COTL1: variants seen among roughly 807,000 people sequenced by gnomAD.
The protein encoded by COTL1 is coactosin-like protein.
Under a neutral mutation model 16.5 loss-of-function variants are expected in COTL1, and 15 were observed. The observed-to-expected ratio is 0.91, with a 90% CI of 0.61 to 1.40. The LOEUF is 1.40. Ranked by LOEUF, COTL1 falls within the 40% of genes most tolerant of loss-of-function variation. The pLI, the probability that COTL1 is intolerant of heterozygous loss-of-function variation, is 0.00. For synonymous variants in COTL1, 112 were observed against 85.3 expected (o/e 1.31, Z -1.73); for missense variants, 220 against 201.5 (o/e 1.09, Z -0.56).
intron 2 of COTL1, among the ~76,000 whole-genome samples, chr16:84,599,557 C>T (rs1467022453): frequency 6.6e-6 from 1 of 152,100 alleles, no homozygotes. Flanking sequence ...GTCATAGGCA[C>T]CTTATACGTT....
intron 3 of COTL1, among the ~76,000 whole-genome samples, chr16:84,573,171 G>C (rs534217602): frequency 6.6e-6 from 1 of 152,330 alleles, no homozygotes; most frequent in East Asian, 1.9e-4. Context: ...TTTCCACAAT[G>C]TAATCAATGC....
intron 2 of COTL1, among the ~76,000 whole-genome samples, chr16:84,613,464 T>C (rs995020235): frequency 6.6e-6 from 1 of 151,898 alleles, no homozygotes; most frequent in African/African-American, 2.4e-5. Flanking sequence ...TGTTACAGTG[T>C]TGGGCTGCAG....
chr16:84,577,620 G>A (rs909594676), intron 3 of COTL1, among the ~76,000 whole-genome samples: 3 of 152,118 alleles, frequency 2.0e-5, no homozygotes, highest in African/African-American at 2.4e-5. Context: ...GCACGGGCTC[G>A]GGTTTGACAG....
intron 3 of COTL1, chr16:84,576,613 T>C (rs1271023950): frequency 6.6e-6 from 1 of 152,148 alleles, no homozygotes; most frequent in Non-Finnish European, 1.5e-5. Context: ...TGGGCCCTGG[T>C]TTCCACCTCT....
intron 3 of COTL1, among the ~76,000 whole-genome samples, chr16:84,583,994 G>A (rs1904661239): frequency 6.6e-6 from 1 of 152,232 alleles, no homozygotes; most frequent in South Asian, 2.1e-4. Context: ...AGACAAGCAT[G>A]ATGCAGCACT....
intron 2 of COTL1, among the ~76,000 whole-genome samples, chr16:84,615,167 G>A (rs946190750): frequency 3.3e-5 from 5 of 152,218 alleles, no homozygotes; most frequent in South Asian, 2.1e-4. Flanking sequence ...GAGCAGACAC[G>A]GCAACCATAA....
At chr16:84,604,031 C>T (rs1261510676) in intron 2 of COTL1, among the ~76,000 whole-genome samples, 1 of 132,698 alleles carries the variant, frequency 7.5e-6, no homozygotes, top group East Asian at 2.2e-4. Context: ...CTACTACCCC[C>T]GCAACTCCCC....
chr16:84,591,279 G>A (rs957633314), intron 2 of COTL1, among the ~76,000 whole-genome samples: 17 of 151,554 alleles, frequency 1.1e-4, no homozygotes, highest in African/African-American at 4.1e-4. Flanking sequence ...GGCCTCTAGG[G>A]TTCACACCAT....
intron 2 of COTL1, among the ~76,000 whole-genome samples, chr16:84,602,194 C>T (rs73255589): frequency 0.017 from 2,154 of 125,204 alleles, 61 homozygotes; most frequent in African/African-American, 0.058. Context: ...AGCTGCGTTT[C>T]AGTTCAATGG....
intron 2 of COTL1, among the ~76,000 whole-genome samples, chr16:84,611,305 C>T (rs1485804042): frequency 2.6e-5 from 4 of 152,172 alleles, no homozygotes; most frequent in Non-Finnish European, 5.9e-5. Context: ...ATTTGAGGTC[C>T]ATGGATAGAG....
At chr16:84,591,933 G>A (rs971048244) in intron 2 of COTL1, among the ~76,000 whole-genome samples, 21 of 152,098 alleles carry the variant, frequency 1.4e-4, no homozygotes, top group Non-Finnish European at 8.8e-5. Context: ...GTGTGCATGC[G>A]GGTGCATGTG....
chr16:84,571,850 T>C (rs1012956138), intron 3 of COTL1, among the ~76,000 whole-genome samples: 2 of 152,146 alleles, frequency 1.3e-5, no homozygotes, highest in Non-Finnish European at 2.9e-5. Flanking sequence ...CCACCTTCTA[T>C]AGGGCCAGCA....
At chr16:84,602,198 T>G in intron 2 of COTL1, among the ~76,000 whole-genome samples, 1 of 109,154 alleles carries the variant, frequency 9.2e-6, no homozygotes, top group South Asian at 3.6e-4. Flanking sequence ...GCGTTTCAGT[T>G]CAATGGGGGT....
intron 2 of COTL1, among the ~76,000 whole-genome samples, chr16:84,610,591 C>T (rs1905300299): frequency 6.6e-6 from 1 of 152,170 alleles, no homozygotes; most frequent in Non-Finnish European, 1.5e-5. Flanking sequence ...GCCCTTGAAC[C>T]AATCGGTTAG....
intron 2 of COTL1, among the ~76,000 whole-genome samples, chr16:84,611,248 C>G (rs910471735): frequency 2.0e-5 from 3 of 152,246 alleles, no homozygotes; most frequent in Non-Finnish European, 2.9e-5. Flanking sequence ...TGGACTCATT[C>G]CCAGATGCCT....
chr16:84,608,106 C>T (rs1228686351), intron 2 of COTL1, among the ~76,000 whole-genome samples: 12 of 152,102 alleles, frequency 7.9e-5, no homozygotes, highest in Admixed American at 5.2e-4. Flanking sequence ...CTAAATCTGG[C>T]AACTGGAATA....
intron 3 of COTL1, among the ~76,000 whole-genome samples, chr16:84,578,590 C>A (rs116206692): frequency 0.011 from 1,731 of 152,220 alleles, 41 homozygotes; most frequent in African/African-American, 0.039. Flanking sequence ...CACAGGCATG[C>A]ACGCACACAA....
At chr16:84,591,993 C>G (rs898737975) in intron 2 of COTL1, among the ~76,000 whole-genome samples, 9 of 152,350 alleles carry the variant, frequency 5.9e-5, no homozygotes, top group Non-Finnish European at 1.0e-4. Flanking sequence ...CAACTGGCAT[C>G]TGGGGCCAGA....
chr16:84,617,555 T>C lies in COTL1; in HGVS notation c.106A>G (p.Ile36Val). The change falls in exon 2 of 4, where the codon ATC becomes GTC. Residue 36 changes from isoleucine (I) to valine (V), a missense_variant. Ile to Val is a conservative substitution (Grantham distance 29). Transcript: ENST00000262428. ...WVTFKYDGSTIVPGEQGAEYQ... is the reference protein window; with the variant it reads ...WVTFKYDGSTVVPGEQGAEYQ... ...TCCGCTCCCTGCTCGCCGGGGACGA[T>C]GGTGGAGCCGTCATATTTAAAAGTC... 1 of 1,558,362 alleles carries C rather than the reference T, an allele frequency of 6.4e-7. No homozygotes were observed. Among genetic ancestry groups the C allele is most frequent in the Non-Finnish European group, 8.7e-7 (1 of 1,150,484 alleles).
Sources: allele counts gnomAD v4.1 joint callset (sites outside exome capture counted in the v4.1 genomes callset), GRCh38; gene constraint gnomAD v4.1.1; transcripts MANE v1.5; gene names NCBI Gene and HGNC (gene_info 2026-07-23, HGNC 2026-07-21).